The following ZNF219 variants were observed in gnomAD, a reference collection of about 807,000 sequenced individuals.
ZNF219 encodes the protein zinc finger protein 219.
A neutral mutation model predicts 54.4 loss-of-function variants in ZNF219; 17 were observed. That is an observed-to-expected ratio of 0.31 (90% CI 0.21 to 0.47). The LOEUF (loss-of-function observed/expected upper bound fraction) is 0.47, where lower values mean the gene tolerates loss of function less well. ZNF219 is among the 20% of genes least tolerant of loss of function. The pLI is 1.00. For synonymous variants in ZNF219, 518 were observed against 476.4 expected (o/e 1.09, Z -1.14); for missense variants, 1,014 against 1,062.3 (o/e 0.95, Z 0.63).
rs532100683 is a variant in ZNF219, at chr14:21,093,807, C to A, written c.-83-133G>T. On this transcript the variant is annotated intron_variant, in intron 1 of 4. Coordinates refer to ENST00000360947, the MANE Select transcript of ZNF219 (RefSeq NM_016423.3). ...TTCTCCCTACTTGCTTCTTGAGGCA[C>A]GAAGGGGCTGCTATACTCAAAAACT... The A allele has an allele frequency of 1.3e-4, 102 of 777,476 alleles. 1 individual carries two copies. Among genetic ancestry groups the A allele is most frequent in the South Asian group, 8.4e-4 (51 of 60,422 alleles). The allele number at this position is 777,476 out of a possible 1,614,324, so 48.2% of individuals were successfully genotyped here. A position where few individuals can be genotyped will look rare whatever the true frequency, so the allele number is the denominator to read the frequency against.
chr14:21,101,811 G>A (rs1023936595), upstream of ZNF219: 4 of 1,417,008 alleles, frequency 2.8e-6, no homozygotes, highest in Admixed American at 4.1e-5. Flanking sequence ...GGAGTTACGA[G>A]AAGGGAGGGA....
intron 4 of ZNF219, 34 bp from the exon 5 acceptor site, chr14:21,091,174 C>A: frequency 6.3e-7 from 1 of 1,582,766 alleles, no homozygotes; most frequent in Non-Finnish European, 8.5e-7. Context: ...GTCACGGGGT[C>A]ACGATGACTG....
upstream of ZNF219, chr14:21,102,411 G>A (rs537729067): frequency 3.2e-6 from 5 of 1,551,712 alleles, no homozygotes; most frequent in South Asian, 5.9e-5. Flanking sequence ...GCAGGTGCGG[G>A]CCATGATGAT....
At chr14:21,102,156 T>G (rs1321815760), upstream of ZNF219, 28 of 1,535,262 alleles carry the variant, frequency 1.8e-5, no homozygotes, top group Non-Finnish European at 2.5e-5. Flanking sequence ...GTCCTCCCAC[T>G]CCCTAAAACA....
At chr14:21,098,999 C>G (rs1278815605), upstream of ZNF219, 1 of 418,104 alleles carries the variant, frequency 2.4e-6, no homozygotes, top group Non-Finnish European at 3.8e-6. Context: ...ACTCTTCGGT[C>G]CTTTCCGTTC....
chr14:21,091,799 G>A, intron 3 of ZNF219, 66 bp downstream of exon 3: 1 of 1,481,598 alleles, frequency 6.7e-7, no homozygotes, highest in South Asian at 1.4e-5. Flanking sequence ...GAAGCTACGA[G>A]GGAGTGGCGG....
At position 21,098,399 on chromosome 14, in the gene ZNF219, T is replaced by G; in HGVS notation, c.-171A>C. The G allele has an allele frequency of 2.0e-6, 1 of 506,182 alleles. No homozygotes were observed. Among genetic ancestry groups the G allele is most frequent in the Non-Finnish European group, 2.5e-6 (1 of 401,518 alleles). 31.4% of individuals were successfully genotyped at this position (506,182 alleles called of 1,614,324 possible). A position where few individuals can be genotyped will look rare whatever the true frequency, so the allele number is the denominator to read the frequency against. On this transcript the variant is annotated 5_prime_UTR_variant, in exon 1 of 5. Coordinates refer to ENST00000360947, the MANE Select transcript of ZNF219 (RefSeq NM_016423.3). ...CGGCGGCGCGGGCGTCAGCGTTACGTGGGGCCGGGGGAGATGCGCCGGGCC... is the reference window on the plus strand; with the variant it reads ...CGGCGGCGCGGGCGTCAGCGTTACGGGGGGCCGGGGGAGATGCGCCGGGCC...
At chr14:21,094,212 A>G (rs2139312460) in intron 1 of ZNF219, among the ~76,000 whole-genome samples, 1 of 152,110 alleles carries the variant, frequency 6.6e-6, no homozygotes, top group Middle Eastern at 3.4e-3. Flanking sequence ...TTCATTACAG[A>G]GACTCATTCA....
intron 1 of ZNF219, chr14:21,094,268 C>T (rs1305579590): frequency 2.3e-6 from 1 of 426,100 alleles, no homozygotes. Context: ...TGAAGACAGA[C>T]AGAGGGGGAG....
In ZNF219 at chr14:21,090,479, A is replaced by C; in HGVS notation, c.*57T>G. Reference sequence around the variant, plus strand: ...CTGGCTTCTCTACCCAACTACCTCTAGCGCTCCCCCGCTCCGGCGGGGTAA... The same window carrying C: ...CTGGCTTCTCTACCCAACTACCTCTCGCGCTCCCCCGCTCCGGCGGGGTAA... On this transcript the variant is annotated 3_prime_UTR_variant, in exon 5 of 5. Coordinates refer to ENST00000360947, the MANE Select transcript of ZNF219 (RefSeq NM_016423.3). This position sits in a 1 kb window ranked among gnomAD's most constrained non-coding sequence, Gnocchi z 4.4. The C allele has an allele frequency of 2.6e-6, 4 of 1,528,548 alleles. No homozygotes were observed. Among genetic ancestry groups the C allele is most frequent in the Non-Finnish European group, 3.5e-6 (4 of 1,135,540 alleles). 94.7% of individuals were successfully genotyped at this position (1,528,548 alleles called of 1,614,324 possible). A position where few individuals can be genotyped will look rare whatever the true frequency, so the allele number is the denominator to read the frequency against.
At chr14:21,091,383 T>C (rs749826002) in intron 4 of ZNF219, 28 bp downstream of exon 4, 1 of 1,581,158 alleles carries the variant, frequency 6.3e-7, no homozygotes, top group South Asian at 1.1e-5. Context: ...CCCAGTCCCC[T>C]CTCCACGCCG....
At chr14:21,102,214 C>T, upstream of ZNF219, 1 of 1,451,612 alleles carries the variant, frequency 6.9e-7, no homozygotes, top group South Asian at 1.4e-5. Context: ...AGTGTTGACT[C>T]ATTCTCTCAG....
At position 21,092,153 on chromosome 14, in the gene ZNF219, G is replaced by C; in HGVS notation, c.1144C>G (p.Leu382Val). The change falls in exon 3 of 5, where the codon CTG becomes GTG. Residue 382 changes from leucine to valine, a missense_variant. Coordinates refer to ENST00000360947, the MANE Select transcript of ZNF219 (RefSeq NM_016423.3). ...RREPPSLLGYLSLRAGEGRPN... is the reference protein window; with the variant it reads ...RREPPSLLGYVSLRAGEGRPN... ...CGGCCCTCGCCAGCTCGCAGGCTCAGGTAGCCCAAGAGGCTCGGGGGCTCA... is the reference window on the plus strand; with the variant it reads ...CGGCCCTCGCCAGCTCGCAGGCTCACGTAGCCCAAGAGGCTCGGGGGCTCA... 4 of 1,476,082 alleles carry C rather than the reference G, an allele frequency of 2.7e-6. No homozygotes were observed. Among genetic ancestry groups the C allele is most frequent in the Non-Finnish European group, 3.6e-6 (4 of 1,118,938 alleles). 91.4% of individuals were successfully genotyped at this position (1,476,082 alleles called of 1,614,324 possible). A position where few individuals can be genotyped will look rare whatever the true frequency, so the allele number is the denominator to read the frequency against.
chr14:21,103,554 A>C, upstream of ZNF219: 1 of 346,118 alleles, frequency 2.9e-6, no homozygotes, highest in Admixed American at 4.6e-5. Flanking sequence ...TCATAATCCC[A>C]TCCACTCCAA....
chr14:21,091,165 T>C (rs1190144287), intron 4 of ZNF219, 25 bp from the exon 5 acceptor site: 5 of 1,586,172 alleles, frequency 3.2e-6, no homozygotes, highest in Non-Finnish European at 4.3e-6. Context: ...TGCGATAGGG[T>C]CACGGGGTCA....
chr14:21,098,520 A>G lies in ZNF219; in HGVS notation c.-292T>C. On this transcript the variant is annotated 5_prime_UTR_variant, in exon 1 of 5. An upstream start codon of the reference 5' UTR is lost. Coordinates refer to ENST00000360947, the MANE Select transcript of ZNF219 (RefSeq NM_016423.3). ...GTGTGCGGCGGGAGGCGGCCCGGCC[A>G]TTAGCATGCGGGGGGCGGCGCGGCG... 1 of 981,600 alleles carries G rather than the reference A, an allele frequency of 1.0e-6. No homozygotes were observed. Among genetic ancestry groups the G allele is most frequent in the South Asian group, 4.7e-5 (1 of 21,282 alleles). The allele number at this position is 981,600 out of a possible 1,614,324, so 60.8% of individuals were successfully genotyped here. A position where few individuals can be genotyped will look rare whatever the true frequency, so the allele number is the denominator to read the frequency against.
At chr14:21,096,206 G>T (rs1222620965) in intron 1 of ZNF219, among the ~76,000 whole-genome samples, 1 of 152,182 alleles carries the variant, frequency 6.6e-6, no homozygotes, top group Non-Finnish European at 1.5e-5. Context: ...AAAGGGCAAA[G>T]CTTCCTATCC....
At position 21,098,317 on chromosome 14, in the gene ZNF219, CCGGGCGGGCGGCGG is replaced by C; in HGVS notation, c.-103_-90del. On this transcript the variant is annotated 5_prime_UTR_variant, in exon 1 of 5. An upstream open reading frame in the 5' UTR loses its in-frame stop. Transcript: ENST00000360947. The stretch of plus-strand genomic sequence containing the variant: ...TCGGGGGAGCGGCTACTCACGAGCC[CCGGGCGGGCGGCGG>C]CGGAGCGGGCGGCGGCGGCGGCGGC... 1 of 179,896 alleles carries C rather than the reference CCGGGCGGGCGGCGG, an allele frequency of 5.6e-6. No homozygotes were observed. Among genetic ancestry groups the C allele is most frequent in the Non-Finnish European group, 1.0e-5 (1 of 96,580 alleles). The allele number at this position is 179,896 out of a possible 1,614,324, so 11.1% of individuals were successfully genotyped here. A position where few individuals can be genotyped will look rare whatever the true frequency, so the allele number is the denominator to read the frequency against.
upstream of ZNF219, chr14:21,103,233 C>T (rs1196866068): frequency 6.4e-7 from 1 of 1,551,610 alleles, no homozygotes; most frequent in Non-Finnish European, 8.7e-7. Context: ...CGGGAACAGA[C>T]ACGTGCTGCT....
Sources: gnomAD v4.1 joint callset for allele counts (sites outside exome capture counted in the v4.1 genomes callset) on GRCh38, gnomAD v4.1.1 for gene constraint, Gnocchi (gnomAD v3.1) non-coding constraint, MANE v1.5 for transcripts, NCBI Gene and HGNC (gene_info 2026-07-23, HGNC 2026-07-21) for gene names.